The following CMTR1 variants were observed in gnomAD, a reference collection of about 807,000 sequenced individuals.
CMTR1 encodes the protein cap methyltransferase 1.
In CMTR1, 39 loss-of-function variants were observed where a neutral mutation model predicts 107.0. The observed-to-expected ratio is 0.36, with a 90% CI of 0.28 to 0.48. CMTR1 has a LOEUF of 0.48. Ranked by LOEUF, CMTR1 falls within the 20% of genes least tolerant of loss-of-function variation. The probability of loss-of-function intolerance (pLI) is 0.99; values close to 1 mark genes in which losing one functional copy is unlikely to be tolerated. For synonymous variants in CMTR1, 366 were observed against 379.5 expected, an observed-to-expected ratio of 0.96 and a Z score of 0.41; for missense variants, 672 against 1,064.9, an observed-to-expected ratio of 0.63 and a Z score of 5.14.
Position 37,458,995 on chromosome 6 carries a change from A to G in CMTR1, c.976+185A>G, listed in dbSNP as rs1761351304. Among the ~76,000 whole-genome samples, 1 of 152,234 alleles carries G rather than the reference A, an allele frequency of 6.6e-6. No homozygotes were observed. Among genetic ancestry groups the G allele is most frequent in the South Asian group, 2.1e-4 (1 of 4,834 alleles). On this transcript the variant is annotated intron_variant, in intron 9 of 23. Transcript: ENST00000373451. This position sits in a 1 kb window ranked among gnomAD's most constrained non-coding sequence, Gnocchi z 4.7. ...TCCCTTTTTACCCTGGGCCTGCAGAATACAGGTCAAACACTCCCTCAGCAG... is the reference window on the plus strand; with the variant it reads ...TCCCTTTTTACCCTGGGCCTGCAGAGTACAGGTCAAACACTCCCTCAGCAG...
chr6:37,461,132 C>G (rs1245662314), intron 10 of CMTR1, among the ~76,000 whole-genome samples: 1 of 152,222 alleles, frequency 6.6e-6, no homozygotes, highest in Non-Finnish European at 1.5e-5. Context: ...AGAGTGTTCT[C>G]ACTGTACTCA....
chr6:37,443,382 C>T (rs189387634), intron 2 of CMTR1, among the ~76,000 whole-genome samples: 82 of 148,884 alleles, frequency 5.5e-4, no homozygotes, highest in African/African-American at 1.9e-3. Flanking sequence ...GAGATGGAGT[C>T]TCACTCTTTT....
At position 37,471,203 on chromosome 6, in the gene CMTR1, T is replaced by C; in HGVS notation, c.1562+126T>C. 3.8e-6 allele frequency: 3 copies of C among 783,862 alleles called. No individual in the cohort carries two copies. In the South Asian group the frequency reaches 5.6e-5, roughly 15 times the overall value. The allele number at this position is 783,862 out of a possible 1,614,324, so 48.6% of individuals were successfully genotyped here. A position where few individuals can be genotyped will look rare whatever the true frequency, so the allele number is the denominator to read the frequency against. On this transcript the variant is annotated intron_variant, in intron 14 of 23. Transcript: ENST00000373451. ...AAACACCTGCTTTTTTCTCATACTC[T>C]GCTATGGTCTCTGAAGGATGCCAGA...
chr6:37,435,746 C>G lies in CMTR1; in HGVS notation c.117C>G (p.Val39=). 6.3e-7 allele frequency: 1 copy of G among 1,596,380 alleles called. No individual in the cohort carries two copies. Among genetic ancestry groups the G allele is most frequent in the Non-Finnish European group, 8.5e-7 (1 of 1,173,994 alleles). The part of the protein sequence containing the change: ...STSDDEPPSS[V]SHGAKASTTS... ...CCGATGATGAACCTCCCTCCTCTGT[C>G]AGTCATGGAGCAAAAGGTACGTGTG... Residue 39 remains valine (V), a synonymous_variant, in exon 2 of 24, where the codon GTC becomes GTG. Transcript: ENST00000373451.
chr6:37,457,255 C>T (rs7768561), intron 8 of CMTR1, among the ~76,000 whole-genome samples: 2 of 151,126 alleles, frequency 1.3e-5, no homozygotes, highest in Admixed American at 6.6e-5. Flanking sequence ...GGAGAGAGAG[C>T]GAAAGCTACT....
chr6:37,430,942 G>T (rs543871179), upstream of CMTR1, among the ~76,000 whole-genome samples: 86 of 151,226 alleles, frequency 5.7e-4, no homozygotes, highest in Non-Finnish European at 1.1e-3. Flanking sequence ...TGAACCTGGA[G>T]GTGGTGCTTG....
intron 2 of CMTR1, among the ~76,000 whole-genome samples, chr6:37,438,470 AAT>A (rs1327219295): frequency 1.3e-5 from 2 of 152,324 alleles, no homozygotes; most frequent in South Asian, 2.1e-4. Flanking sequence ...ATTTGCAGAA[AAT>A]GAGATGGGAG....
intron 8 of CMTR1, among the ~76,000 whole-genome samples, chr6:37,456,460 C>T (rs1293546506): frequency 6.6e-6 from 1 of 152,130 alleles, no homozygotes; most frequent in Non-Finnish European, 1.5e-5. Flanking sequence ...GTCACTTTCT[C>T]CAGAGACTTT....
the CMTR1 span, among the ~76,000 whole-genome samples, chr6:37,426,122 T>C: frequency 2.0e-5 from 3 of 152,298 alleles, no homozygotes; most frequent in East Asian, 1.9e-4. Flanking sequence ...TCCAGAATTT[T>C]TTCTTGTTTC....
Position 37,444,068 on chromosome 6 carries a change from A to G in CMTR1, c.203A>G (p.Asp68Gly), listed in dbSNP as rs1468159601. 3.1e-6 allele frequency: 5 copies of G among 1,614,024 alleles called. No individual in the cohort carries two copies. The highest frequency in any genetic ancestry group is 1.3e-5 in the African/African-American group (1 of 74,908). The change falls in exon 3 of 24, where the codon GAC becomes GGC. Residue 68 changes from aspartate to glycine, a missense_variant. Asp to Gly is a moderately conservative substitution (Grantham distance 94). This residue lies in a region of CMTR1 where 89 missense variants were observed against 96.6 expected (regional missense o/e 0.92). Transcript: ENST00000373451. ...AAACAACACAGCTCTGACTCTTTTG[A>G]CGATGCATTCAAAGCAGACTCTCTT... is the stretch of plus-strand genomic sequence containing the variant. ...EGKQHSSDSF[D>G]DAFKADSLVE...
chr6:37,442,423 G>C (rs1249957277), intron 2 of CMTR1, among the ~76,000 whole-genome samples: 2 of 152,254 alleles, frequency 1.3e-5, no homozygotes, highest in Non-Finnish European at 2.9e-5. Flanking sequence ...CCTTAGGAAA[G>C]TGATACTTGG....
At chr6:37,432,171 G>C (rs1771396200), upstream of CMTR1, among the ~76,000 whole-genome samples, 1 of 152,190 alleles carries the variant, frequency 6.6e-6, no homozygotes, top group East Asian at 1.9e-4. Flanking sequence ...AGAACTAAGG[G>C]ATAGCAGTAC....
At chr6:37,470,573 A>G (rs1476898583) in intron 13 of CMTR1, among the ~76,000 whole-genome samples, 3 of 152,176 alleles carry the variant, frequency 2.0e-5, no homozygotes, top group African/African-American at 7.2e-5. Flanking sequence ...CCTCTTGTCA[A>G]TGGGTAGCAT....
At chr6:37,455,442 G>T (rs972322623) in intron 8 of CMTR1, among the ~76,000 whole-genome samples, 40 of 152,334 alleles carry the variant, frequency 2.6e-4, no homozygotes, top group African/African-American at 8.9e-4. Flanking sequence ...AAGGGGGCAA[G>T]GGGAGGAAAA....
intron 8 of CMTR1, among the ~76,000 whole-genome samples, chr6:37,457,055 T>TAA (rs759840483): frequency 2.1e-5 from 3 of 140,030 alleles, no homozygotes; most frequent in Admixed American, 7.1e-5. Context: ...ATCCTGTCTC[T>TAA]AAAAAAAAAA....
intron 13 of CMTR1, among the ~76,000 whole-genome samples, chr6:37,465,610 G>A (rs556975961): frequency 6.6e-6 from 1 of 152,190 alleles, no homozygotes; most frequent in African/African-American, 2.4e-5. Context: ...TACAAGTCCT[G>A]TGAGTAGCTG....
intron 10 of CMTR1, 27 bp downstream of exon 10, chr6:37,459,711 A>T (rs748752404): frequency 6.9e-7 from 1 of 1,452,642 alleles, no homozygotes; most frequent in Non-Finnish European, 9.7e-7. Flanking sequence ...CCATAGACTG[A>T]TGCATTAAGG....
At chr6:37,475,897 C>T (rs1761726451) in intron 19 of CMTR1, 1 of 553,340 alleles carries the variant, frequency 1.8e-6, no homozygotes. Context: ...GGAAAACCAA[C>T]CGACATAGTG....
chr6:37,477,395 T>G (rs1761760739), intron 20 of CMTR1, among the ~76,000 whole-genome samples, 197 bp from the exon 21 acceptor site: 1 of 152,202 alleles, frequency 6.6e-6, no homozygotes, highest in Non-Finnish European at 1.5e-5. Context: ...GCTTGGCAGC[T>G]CTGAAACCCA....
Sources: gnomAD v4.1 joint callset for allele counts (sites outside exome capture counted in the v4.1 genomes callset) on GRCh38, gnomAD v4.1.1 for gene constraint, gnomAD v4.1.1 regional missense constraint, Gnocchi (gnomAD v3.1) non-coding constraint, MANE v1.5 for transcripts, NCBI Gene and HGNC (gene_info 2026-07-23, HGNC 2026-07-21) for gene names.